Variants in GRIK3 observed in about 807,000 individuals in gnomAD.
GRIK3 encodes glutamate receptor ionotropic, kainate 3.
GRIK3 carries 29 observed loss-of-function variants against 102.5 expected under a neutral mutation model. That is an observed-to-expected ratio of 0.28 (90% CI 0.21 to 0.39). The LOEUF (loss-of-function observed/expected upper bound fraction) is 0.39, where lower values mean the gene tolerates loss of function less well. GRIK3 is among the 10% of genes least tolerant of loss of function. The pLI is 1.00. For missense variants in GRIK3, 908 were observed against 1,252.4 expected, an observed-to-expected ratio of 0.73 and a Z score of 4.15; for synonymous variants, 511 against 504.9, an observed-to-expected ratio of 1.01 and a Z score of -0.16.
Position 36,823,472 on chromosome 1 carries a change from C to CAAAAAAAAAA in GRIK3, c.1754+2121_1754+2130dup, listed in dbSNP as rs71053954. The stretch of plus-strand genomic sequence containing the variant: ...TGGGTGACAGAGTGAGACTCCGTCT[C>CAAAAAAAAAA]AAAAAAAAAAAAAAAAAAAAAAAAA... On this transcript the variant is annotated intron_variant, in intron 11 of 15. Coordinates refer to ENST00000373091, the MANE Select transcript of GRIK3 (RefSeq NM_000831.4). 3.1e-4 allele frequency among the ~76,000 whole-genome samples: 12 copies of CAAAAAAAAAA among 38,096 alleles called. 1 individual carries two copies. In the East Asian group the frequency reaches 8.5e-3, roughly 27 times the overall value. The allele number at this position is 38,096 out of a possible 152,430, so 25.0% of individuals were successfully genotyped here.
At chr1:36,808,009 T>G (rs1642519089) in intron 13 of GRIK3, among the ~76,000 whole-genome samples, 1 of 152,192 alleles carries the variant, frequency 6.6e-6, no homozygotes, top group South Asian at 2.1e-4. Flanking sequence ...CTCTTACCTC[T>G]GCAATCCCTG....
In GRIK3 at chr1:36,850,036, T is replaced by A; in HGVS notation, c.1326+275A>T. The A allele has an allele frequency of 2.7e-6, 1 of 375,122 alleles. No individual in the cohort carries two copies. Among genetic ancestry groups the A allele is most frequent in the South Asian group, 3.9e-5 (1 of 25,342 alleles). 23.2% of individuals were successfully genotyped at this position (375,122 alleles called of 1,614,324 possible). A position where few individuals can be genotyped will look rare whatever the true frequency, so the allele number is the denominator to read the frequency against. On this transcript the variant is annotated intron_variant, in intron 9 of 15. Transcript: ENST00000373091. The surrounding 1 kb of genome is among the most constrained non-coding windows in gnomAD (Gnocchi z 4.0). Reference sequence around the variant, plus strand: ...GTTGCAATGGGCTGTCAAACCCCCTTAATTCCACCATCCAGCATGGTTCCT... The same window carrying A: ...GTTGCAATGGGCTGTCAAACCCCCTAAATTCCACCATCCAGCATGGTTCCT...
intron 1 of GRIK3, among the ~76,000 whole-genome samples, chr1:36,988,760 T>C (rs1642332475): frequency 6.6e-6 from 1 of 152,248 alleles, no homozygotes; most frequent in African/African-American, 2.4e-5. Context: ...ATGTTTAAAA[T>C]GATCTTTGCA....
Position 36,999,277 on chromosome 1 carries a change from C to T in GRIK3, c.115+34717G>A, listed in dbSNP as rs556251619. ...GTCTGGGAAAGGTGCCCAGGTGCAC[C>T]GAGGTGGGAGAGGAAGCTGCAGGGG... On this transcript the variant is annotated intron_variant, in intron 1 of 15. Transcript: ENST00000373091. Among the ~76,000 whole-genome samples the T allele has an allele frequency of 1.4e-4, 22 of 152,058 alleles. No individual in the cohort carries two copies. In the South Asian group the frequency reaches 4.2e-3, roughly 29 times the overall value.
intron 1 of GRIK3, among the ~76,000 whole-genome samples, chr1:37,014,567 T>C (rs903800986): frequency 6.6e-6 from 1 of 152,276 alleles, no homozygotes; most frequent in Non-Finnish European, 1.5e-5. Context: ...CCAGGTAACC[T>C]GTTGAGCCCC....
chr1:37,008,494 T>A (rs1381575742), intron 1 of GRIK3, among the ~76,000 whole-genome samples: 1 of 152,270 alleles, frequency 6.6e-6, no homozygotes, highest in East Asian at 1.9e-4. Context: ...AAATCTTTCA[T>A]AATTAAATGA....
intron 1 of GRIK3, among the ~76,000 whole-genome samples, chr1:37,020,658 C>A (rs553746458): frequency 1.3e-5 from 2 of 152,250 alleles, no homozygotes; most frequent in South Asian, 4.2e-4. Context: ...GAGAAAATTC[C>A]ATCTATTACC....
At chr1:36,989,027 C>T (rs1642336078) in intron 1 of GRIK3, among the ~76,000 whole-genome samples, 3 of 152,122 alleles carry the variant, frequency 2.0e-5, no homozygotes, top group African/African-American at 7.2e-5. Flanking sequence ...CCCTTCAACC[C>T]ACCACCTCCC....
chr1:36,991,394 G>A (rs1642361980), intron 1 of GRIK3, among the ~76,000 whole-genome samples: 1 of 152,220 alleles, frequency 6.6e-6, no homozygotes, highest in Admixed American at 6.5e-5. Context: ...GCCAGAGTGA[G>A]GCAGTGAGCA....
At chr1:36,864,029 C>T (rs1640756038) in intron 5 of GRIK3, among the ~76,000 whole-genome samples, 1 of 152,160 alleles carries the variant, frequency 6.6e-6, no homozygotes, top group Admixed American at 6.5e-5. Context: ...GGCACCAACC[C>T]AATACCCTCC....
intron 1 of GRIK3, among the ~76,000 whole-genome samples, chr1:36,983,509 C>G (rs964044704): frequency 2.1e-4 from 32 of 152,214 alleles, no homozygotes; most frequent in African/African-American, 7.7e-4. Flanking sequence ...CGTCTTTATT[C>G]CTCACTGCAA....
At chr1:36,931,426 T>C (rs1008784639) in intron 1 of GRIK3, among the ~76,000 whole-genome samples, 7 of 152,252 alleles carry the variant, frequency 4.6e-5, no homozygotes, top group African/African-American at 1.7e-4. Flanking sequence ...CTCTGTTATT[T>C]ATTCTTCATT....
intron 1 of GRIK3, among the ~76,000 whole-genome samples, chr1:36,945,829 A>G (rs550201692): frequency 6.6e-5 from 10 of 152,284 alleles, no homozygotes; most frequent in African/African-American, 2.4e-4. Flanking sequence ...GGGACTCTGG[A>G]TGTTCTGCTC....
intron 1 of GRIK3, 55 bp downstream of exon 1, chr1:37,033,939 T>C (rs2124099293): frequency 9.8e-7 from 1 of 1,018,544 alleles, no homozygotes; most frequent in Non-Finnish European, 1.5e-6. Flanking sequence ...GGAGGCCCCC[T>C]CATTCCCGCC....
intron 1 of GRIK3, among the ~76,000 whole-genome samples, chr1:37,022,522 G>T (rs1642725631): frequency 6.6e-6 from 1 of 152,176 alleles, no homozygotes; most frequent in Non-Finnish European, 1.5e-5. Flanking sequence ...AGAAAGAAGG[G>T]CTCACTCCCA....
intron 1 of GRIK3, among the ~76,000 whole-genome samples, chr1:36,914,413 G>T (rs1337833694): frequency 3.3e-5 from 5 of 152,220 alleles, no homozygotes; most frequent in Non-Finnish European, 7.3e-5. Flanking sequence ...ACTTCTCTGG[G>T]CATTTGCTCT....
At chr1:37,003,981 A>G (rs1642505797) in intron 1 of GRIK3, among the ~76,000 whole-genome samples, 1 of 151,962 alleles carries the variant, frequency 6.6e-6, no homozygotes, top group South Asian at 2.1e-4. Context: ...GGAGCCCCAA[A>G]ACGAACTTGA....
chr1:36,947,922 A>G (rs1329791598), intron 1 of GRIK3, among the ~76,000 whole-genome samples: 1 of 151,810 alleles, frequency 6.6e-6, no homozygotes, highest in Non-Finnish European at 1.5e-5. Context: ...TCCGTGGGTC[A>G]CCCTCACTCT....
At chr1:37,033,541 G>A (rs1007273654) in intron 1 of GRIK3, among the ~76,000 whole-genome samples, 24 of 152,336 alleles carry the variant, frequency 1.6e-4, no homozygotes, top group South Asian at 1.0e-3. Context: ...CGCTGCGGCT[G>A]CTCGAGCTAT....
Sources: allele counts gnomAD v4.1 joint callset (sites outside exome capture counted in the v4.1 genomes callset), GRCh38; gene constraint gnomAD v4.1.1; non-coding constraint Gnocchi (gnomAD v3.1); transcripts MANE v1.5; gene names NCBI Gene and HGNC (gene_info 2026-07-23, HGNC 2026-07-21).